ASIP: variants seen among roughly 807,000 people sequenced by gnomAD.
ASIP encodes agouti signaling protein, also known as agouti-signaling protein.
Under a neutral mutation model 10.3 loss-of-function variants are expected in ASIP, and 11 were observed. The ratio of observed to expected loss-of-function variants is 1.07; its 90% CI spans 0.68 to 1.78. The LOEUF is 1.78. ASIP is among the 40% of genes most tolerant of loss of function. The pLI is 0.00. For synonymous variants in ASIP, 70 were observed against 70.8 expected (o/e 0.99, Z 0.06); for missense variants, 180 against 169.2 (o/e 1.06, Z -0.35).
upstream of ASIP, among the ~76,000 whole-genome samples, chr20:34,193,406 T>A (rs1392932866): frequency 1.3e-5 from 2 of 152,118 alleles, no homozygotes; most frequent in Non-Finnish European, 2.9e-5. Context: ...CATCCAGATG[T>A]TGGAATTGGC....
chr20:34,217,224 G>A (rs1050867924), intron 1 of ASIP, among the ~76,000 whole-genome samples: 1 of 151,990 alleles, frequency 6.6e-6, no homozygotes, highest in Non-Finnish European at 1.5e-5. Flanking sequence ...GATCACTTGA[G>A]CGCAGGAATT....
At chr20:34,204,065 C>T (rs578205243) in intron 1 of ASIP, among the ~76,000 whole-genome samples, 2 of 152,298 alleles carry the variant, frequency 1.3e-5, no homozygotes, top group South Asian at 2.1e-4. Context: ...TTGTTTGATG[C>T]TGGCATATTG....
At chr20:34,256,551 C>G (rs1463031741) in intron 1 of ASIP, among the ~76,000 whole-genome samples, 1 of 152,180 alleles carries the variant, frequency 6.6e-6, no homozygotes, top group African/African-American at 2.4e-5. Context: ...AATCCTCCTC[C>G]TGTGGCTTCC....
intron 1 of ASIP, among the ~76,000 whole-genome samples, chr20:34,217,677 T>G (rs1474173298): frequency 6.6e-6 from 1 of 152,012 alleles, no homozygotes; most frequent in Non-Finnish European, 1.5e-5. Flanking sequence ...TTCTCCTGCC[T>G]CAGCCTCACG....
chr20:34,222,897 C>T (rs1482743345), intron 1 of ASIP, among the ~76,000 whole-genome samples: 10 of 152,076 alleles, frequency 6.6e-5, no homozygotes, highest in African/African-American at 2.2e-4. Context: ...CCCGAGGTGC[C>T]GGGATTGCAG....
chr20:34,253,429 G>A (rs1007268291), intron 1 of ASIP, among the ~76,000 whole-genome samples: 2 of 133,114 alleles, frequency 1.5e-5, no homozygotes, highest in Non-Finnish European at 3.0e-5. Flanking sequence ...TTTTCCCTAC[G>A]CTCTTATTTT....
intron 1 of ASIP, among the ~76,000 whole-genome samples, chr20:34,220,976 T>C (rs960014527): frequency 8.4e-4 from 125 of 148,698 alleles, no homozygotes; most frequent in Non-Finnish European, 1.5e-3. Flanking sequence ...TTTTTTTTTT[T>C]CTTCAGTGAA....
At chr20:34,263,178 A>C (rs574967508) in intron 3 of ASIP, among the ~76,000 whole-genome samples, 1 of 152,340 alleles carries the variant, frequency 6.6e-6, no homozygotes, top group East Asian at 1.9e-4. Context: ...TTTTGGATGA[A>C]TGTGGTGTTT....
At chr20:34,187,473 G>C in the ASIP span, among the ~76,000 whole-genome samples, 11 of 152,312 alleles carry the variant, frequency 7.2e-5, no homozygotes, top group African/African-American at 2.6e-4. Flanking sequence ...TTTAATCTCT[G>C]TCCACAAGCC....
chr20:34,239,730 C>T (rs1283896568), upstream of ASIP, among the ~76,000 whole-genome samples: 1 of 152,202 alleles, frequency 6.6e-6, no homozygotes, highest in Non-Finnish European at 1.5e-5. Flanking sequence ...ATTCACTTAT[C>T]TTTCCAGTTG....
intron 3 of ASIP, among the ~76,000 whole-genome samples, chr20:34,267,955 T>TTG (rs2035817783): frequency 6.6e-6 from 1 of 152,220 alleles, no homozygotes; most frequent in Non-Finnish European, 1.5e-5. Flanking sequence ...AATTTATTTT[T>TTG]GTTGTGCTAA....
chr20:34,251,678 C>T (rs1219744272), intron 1 of ASIP, among the ~76,000 whole-genome samples: 9 of 152,178 alleles, frequency 5.9e-5, no homozygotes, highest in Admixed American at 5.9e-4. Context: ...CTCTCAGATT[C>T]AGATGTTGAA....
chr20:34,252,231 G>A lies in ASIP; in HGVS notation c.-10-8134G>A, dbSNP rs188960549. Among the ~76,000 whole-genome samples, 8 of 152,288 alleles carry A rather than the reference G, an allele frequency of 5.3e-5. 1 individual carries two copies. The South Asian group carries it at 6.2e-4, about 12-fold the overall frequency. On this transcript the variant is annotated intron_variant, in intron 1 of 3. Coordinates refer to ENST00000374954, the MANE Select transcript of ASIP (RefSeq NM_001672.3). ...GAAAGAACAGTGGGCCCAGGAGACC[G>A]GTGCTCAGTATACAGAGGACCCGCA...
intron 1 of ASIP, among the ~76,000 whole-genome samples, chr20:34,200,995 T>A: frequency 1.7e-5 from 1 of 60,558 alleles, no homozygotes; most frequent in Non-Finnish European, 2.7e-5. Context: ...CTTCCTTCCT[T>A]CCTTCCTTCC....
At chr20:34,234,656 G>T (rs934249917) in intron 1 of ASIP, among the ~76,000 whole-genome samples, 1 of 151,826 alleles carries the variant, frequency 6.6e-6, no homozygotes. Context: ...ACAAAAATTC[G>T]CCGGGCGTGG....
At chr20:34,193,195 G>A (rs1006280059), upstream of ASIP, among the ~76,000 whole-genome samples, 1 of 152,226 alleles carries the variant, frequency 6.6e-6, no homozygotes, top group African/African-American at 2.4e-5. Context: ...TACATGGCAT[G>A]TGCTGCCCCA....
chr20:34,222,961 G>A (rs1027732536), intron 1 of ASIP, among the ~76,000 whole-genome samples: 1 of 152,204 alleles, frequency 6.6e-6, no homozygotes, highest in Non-Finnish European at 1.5e-5. Context: ...GTGCAGTGGC[G>A]TGATCTCGGC....
chr20:34,235,520 T>C (rs139608260), intron 1 of ASIP, among the ~76,000 whole-genome samples: 132 of 152,142 alleles, frequency 8.7e-4, no homozygotes, highest in Non-Finnish European at 1.6e-3. Context: ...ATATGGGATA[T>C]GGAGAAACTT....
intron 1 of ASIP, among the ~76,000 whole-genome samples, chr20:34,204,684 T>C (rs957602564): frequency 6.6e-6 from 1 of 152,258 alleles, no homozygotes. Context: ...TTTTTGTAGT[T>C]ACTCTTTATC....
Sources: gnomAD v4.1 joint callset for allele counts (sites outside exome capture counted in the v4.1 genomes callset) on GRCh38, gnomAD v4.1.1 for gene constraint, MANE v1.5 for transcripts, NCBI Gene and HGNC (gene_info 2026-07-23, HGNC 2026-07-21) for gene names.